Variants in SORCS1 observed in about 807,000 individuals in gnomAD.
The protein encoded by SORCS1 is sortilin related VPS10 domain containing receptor 1, also known as VPS10 domain-containing receptor SorCS1.
In SORCS1, 60 loss-of-function variants were observed where a neutral mutation model predicts 146.1. The ratio of observed to expected loss-of-function variants is 0.41; its 90% CI spans 0.33 to 0.51. The LOEUF (loss-of-function observed/expected upper bound fraction) is 0.51, where lower values mean the gene tolerates loss of function less well. Ranked by LOEUF, SORCS1 falls within the 20% of genes least tolerant of loss-of-function variation. SORCS1 has a pLI of 0.21. For missense variants in SORCS1, 1,352 were observed against 1,487.6 expected (o/e 0.91, Z 1.50); for synonymous variants, 637 against 584.0 (o/e 1.09, Z -1.31).
chr10:107,015,127 T>C (rs183570839), intron 1 of SORCS1, among the ~76,000 whole-genome samples: 1 of 152,324 alleles, frequency 6.6e-6, no homozygotes, highest in Non-Finnish European at 1.5e-5. Flanking sequence ...CAGATTACGC[T>C]TAACCCTATG....
chr10:106,579,197 CT>C, intron 25 of SORCS1, 171 bp downstream of exon 25: 1 of 1,614,082 alleles, frequency 6.2e-7, no homozygotes, highest in Non-Finnish European at 8.5e-7. Flanking sequence ...GACTGATCAT[CT>C]CTTGTTCTTT....
chr10:106,901,622 G>C (rs1364224785), intron 2 of SORCS1, among the ~76,000 whole-genome samples: 1 of 152,176 alleles, frequency 6.6e-6, no homozygotes, highest in Non-Finnish European at 1.5e-5. Flanking sequence ...TTTTTGTAGA[G>C]ATGGGGTTTC....
intron 1 of SORCS1, among the ~76,000 whole-genome samples, chr10:107,122,895 A>C (rs1266045939): frequency 6.6e-6 from 1 of 152,220 alleles, no homozygotes. Context: ...AGACATTGTT[A>C]GAGAGGCAAA....
In SORCS1 at chr10:106,912,121, A is replaced by C. The variant is rs544590573; in HGVS notation, c.626+44392T>G. On this transcript the variant is annotated intron_variant, in intron 2 of 25. Transcript: ENST00000263054. Reference sequence around the variant, plus strand: ...GATTGAGCCTCCGTCTCAAAAAAAAAAAACAAACAAACAAACAAACAAAAA... The same window carrying C: ...GATTGAGCCTCCGTCTCAAAAAAAACAAACAAACAAACAAACAAACAAAAA... Among the ~76,000 whole-genome samples, 1,049 of 149,102 alleles carry C rather than the reference A, an allele frequency of 7.0e-3. 7 individuals carry two copies. The highest frequency in any genetic ancestry group is 9.0e-3 in the African/African-American group (362 of 40,388).
chr10:107,155,920 T>C (rs1412143265), intron 1 of SORCS1, among the ~76,000 whole-genome samples: 1 of 152,122 alleles, frequency 6.6e-6, no homozygotes, highest in Non-Finnish European at 1.5e-5. Flanking sequence ...GGGTCATTAG[T>C]CAGCAGGGAG....
chr10:107,092,897 A>AAAC (rs1554946812), intron 1 of SORCS1, among the ~76,000 whole-genome samples: 5 of 151,748 alleles, frequency 3.3e-5, no homozygotes, highest in African/African-American at 9.7e-5. Flanking sequence ...AAAAAAAAAA[A>AAAC]AAAAAAAAAC....
intron 1 of SORCS1, among the ~76,000 whole-genome samples, chr10:107,152,274 G>T (rs911057757): frequency 6.6e-6 from 1 of 152,230 alleles, no homozygotes; most frequent in Non-Finnish European, 1.5e-5. Context: ...GAAGTTTGCT[G>T]CAGGGGTGGA....
chr10:106,666,062 G>T (rs768195264), intron 17 of SORCS1, among the ~76,000 whole-genome samples: 4 of 152,136 alleles, frequency 2.6e-5, no homozygotes, highest in Non-Finnish European at 4.4e-5. Context: ...GGATGGTCTC[G>T]ATCTCCTGAC....
chr10:106,844,302 G>A (rs1949208380), intron 2 of SORCS1, among the ~76,000 whole-genome samples: 2 of 152,024 alleles, frequency 1.3e-5, no homozygotes, highest in South Asian at 4.1e-4. Flanking sequence ...TTGCTATGCA[G>A]AAACTTTTTT....
intron 5 of SORCS1, among the ~76,000 whole-genome samples, chr10:106,737,895 T>C (rs1275097342): frequency 6.6e-6 from 1 of 152,244 alleles, no homozygotes; most frequent in Non-Finnish European, 1.5e-5. Context: ...TAAGGTTTCT[T>C]TTTATCTTTT....
intron 15 of SORCS1, 143 bp downstream of exon 15, chr10:106,672,725 C>A: frequency 1.5e-6 from 1 of 671,450 alleles, no homozygotes; most frequent in Non-Finnish European, 2.6e-6. Flanking sequence ...TTGTTCACTG[C>A]TGTGGAACAC....
At chr10:106,859,404 T>C (rs970631873) in intron 2 of SORCS1, among the ~76,000 whole-genome samples, 1 of 151,304 alleles carries the variant, frequency 6.6e-6, no homozygotes, top group Non-Finnish European at 1.5e-5. Context: ...ATATCCTTTC[T>C]TTTTTTTTGA....
intron 23 of SORCS1, 60 bp from the exon 24 acceptor site, chr10:106,597,510 G>A: frequency 1.6e-6 from 2 of 1,284,788 alleles, no homozygotes; most frequent in Non-Finnish European, 2.3e-6. Context: ...AAACCAATAA[G>A]CTTAGAAATA....
intron 1 of SORCS1, among the ~76,000 whole-genome samples, chr10:107,067,372 C>T (rs903360332): frequency 2.0e-5 from 3 of 151,460 alleles, no homozygotes; most frequent in Admixed American, 6.6e-5. Flanking sequence ...CTAATCCTTG[C>T]GTGTATCTGG....
intron 23 of SORCS1, among the ~76,000 whole-genome samples, chr10:106,604,288 C>T (rs1343962005): frequency 1.3e-5 from 2 of 152,146 alleles, no homozygotes; most frequent in Non-Finnish European, 2.9e-5. Context: ...TATTTTTACC[C>T]ATAAAGTTAA....
intron 1 of SORCS1, among the ~76,000 whole-genome samples, chr10:107,158,274 A>G (rs1271987180): frequency 2.6e-5 from 4 of 152,312 alleles, no homozygotes; most frequent in South Asian, 2.1e-4. Flanking sequence ...ATTGATGTGT[A>G]TATTTTTTGC....
intron 1 of SORCS1, among the ~76,000 whole-genome samples, chr10:106,999,715 A>T (rs1957139748): frequency 6.6e-6 from 1 of 152,234 alleles, no homozygotes; most frequent in South Asian, 2.1e-4. Flanking sequence ...CAAATCAGGC[A>T]CTAGCCTCCA....
intron 1 of SORCS1, among the ~76,000 whole-genome samples, chr10:107,028,087 C>T (rs955000191): frequency 6.6e-6 from 1 of 152,170 alleles, no homozygotes; most frequent in Non-Finnish European, 1.5e-5. Context: ...CGTATTTTAT[C>T]GCTCATGAAT....
chr10:107,070,561 G>A (rs1962329750), intron 1 of SORCS1, among the ~76,000 whole-genome samples: 1 of 152,090 alleles, frequency 6.6e-6, no homozygotes, highest in Admixed American at 6.5e-5. Context: ...ATGATTTGGT[G>A]GCTACAAAAT....
Sources: allele counts gnomAD v4.1 joint callset (sites outside exome capture counted in the v4.1 genomes callset), GRCh38; gene constraint gnomAD v4.1.1; transcripts MANE v1.5; gene names NCBI Gene and HGNC (gene_info 2026-07-23, HGNC 2026-07-21).